RPS6KA3: variants seen among roughly 807,000 people sequenced by gnomAD.
RPS6KA3 encodes the protein ribosomal protein S6 kinase A3, also known as ribosomal protein S6 kinase alpha-3.
A neutral mutation model predicts 67.2 loss-of-function variants in RPS6KA3; 4 were observed. The ratio of observed to expected loss-of-function variants is 0.06; its 90% CI spans 0.03 to 0.14. The LOEUF (loss-of-function observed/expected upper bound fraction) is 0.14. RPS6KA3 is among the 10% of genes least tolerant of loss of function. RPS6KA3 has a pLI of 1.00. For synonymous variants in RPS6KA3, 182 were observed against 183.7 expected (o/e 0.99, Z 0.07); for missense variants, 204 against 559.0 (o/e 0.36, Z 6.40).
chrX:20,164,426 AC>A (rs1331786457), intron 18 of RPS6KA3, among the ~76,000 whole-genome samples: 1 of 95,004 alleles, frequency 1.1e-5, no homozygotes, highest in African/African-American at 4.0e-5. Context: ...TTGCTTTGTG[AC>A]CCAGGCTGGA....
rs112098110 is a variant in RPS6KA3, at chrX:20,199,345, TTCTG to T, written c.326-4204_326-4201del. Among the ~76,000 whole-genome samples, 295 of 111,963 alleles carry T rather than the reference TTCTG, an allele frequency of 2.6e-3. 2 individuals are homozygous for T. The highest frequency in any genetic ancestry group is 9.1e-3 in the African/African-American group (280 of 30,881). ...AGGGTACAGGGGGTTCACTATATTC[TTCTG>T]TCTCTTTCTTAAATGTTTGACACTT... On this transcript the variant is annotated intron_variant, in intron 4 of 21. Coordinates refer to ENST00000379565, the MANE Select transcript of RPS6KA3 (RefSeq NM_004586.3).
intron 2 of RPS6KA3, among the ~76,000 whole-genome samples, chrX:20,213,571 A>T (rs2068771353): frequency 9.0e-6 from 1 of 111,462 alleles, no homozygotes; most frequent in Admixed American, 9.5e-5. Context: ...ATGTAATTTT[A>T]TTAATATTAA....
chrX:20,234,223 C>A (rs1385648472), intron 2 of RPS6KA3, among the ~76,000 whole-genome samples: 3 of 112,674 alleles, frequency 2.7e-5, no homozygotes, highest in African/African-American at 9.7e-5. Flanking sequence ...TCACAGCACT[C>A]TGGGAGGCTG....
intron 1 of RPS6KA3, among the ~76,000 whole-genome samples, chrX:20,256,373 G>T (rs1279638854): frequency 9.1e-6 from 1 of 110,082 alleles, no homozygotes; most frequent in Non-Finnish European, 1.9e-5. Flanking sequence ...ACATCAAGTA[G>T]ATTTTTCTGA....
At chrX:20,204,516 T>C (rs2068525869) in intron 3 of RPS6KA3, among the ~76,000 whole-genome samples, 1 of 112,366 alleles carries the variant, frequency 8.9e-6, no homozygotes, top group African/African-American at 3.2e-5. Flanking sequence ...TTGACCACAA[T>C]TTCCTGTTGA....
At position 20,193,385 on chromosome X, in the gene RPS6KA3, G is replaced by A. The variant is rs1000813359; in HGVS notation, c.593+102C>T. On this transcript the variant is annotated intron_variant, in intron 7 of 21. Coordinates refer to ENST00000379565, the MANE Select transcript of RPS6KA3 (RefSeq NM_004586.3). ...TAGCAGAGATGTGAAGCACAGGCAC[G>A]CTAGTGCAATACTGTGGGAGTTTCA... The A allele has an allele frequency of 9.5e-5, 48 of 507,838 alleles. No individual in the cohort carries two copies. In the South Asian group the frequency reaches 1.2e-3, roughly 13 times the overall value. 41.9% of individuals were successfully genotyped at this position (507,838 alleles called of 1,213,427 possible). A position where few individuals can be genotyped will look rare whatever the true frequency, so the allele number is the denominator to read the frequency against.
intron 10 of RPS6KA3, among the ~76,000 whole-genome samples, chrX:20,184,372 T>G (rs2067920479): frequency 9.1e-6 from 1 of 109,873 alleles, no homozygotes; most frequent in Non-Finnish European, 1.9e-5. Flanking sequence ...AACTTAAAAT[T>G]ACGTATGTGG....
intron 1 of RPS6KA3, among the ~76,000 whole-genome samples, chrX:20,251,193 G>A (rs2049704007): frequency 2.7e-5 from 3 of 112,322 alleles, no homozygotes; most frequent in Non-Finnish European, 5.6e-5. Flanking sequence ...GTGCAGTGGT[G>A]TGAAGATGGC....
At chrX:20,187,390 G>C (rs1168563759) in intron 9 of RPS6KA3, among the ~76,000 whole-genome samples, 1 of 109,354 alleles carries the variant, frequency 9.1e-6, no homozygotes, top group African/African-American at 3.3e-5. Context: ...TTTTAGTGGA[G>C]ATGGGGTTTT....
At chrX:20,174,083 T>G (rs2067637595) in intron 14 of RPS6KA3, among the ~76,000 whole-genome samples, 1 of 111,739 alleles carries the variant, frequency 8.9e-6, no homozygotes. Context: ...TGTCTGTGGT[T>G]GTTTTGTGCT....
intron 2 of RPS6KA3, 61 bp downstream of exon 2, chrX:20,234,694 AAAT>A (rs1272401671): frequency 5.8e-5 from 47 of 813,087 alleles, no homozygotes; most frequent in Non-Finnish European, 8.0e-5. Flanking sequence ...CTCAGCTGAA[AAAT>A]AATAATAACT....
chrX:20,163,518 G>A (rs2067357217), intron 18 of RPS6KA3, among the ~76,000 whole-genome samples: 1 of 110,833 alleles, frequency 9.0e-6, no homozygotes, highest in Admixed American at 9.6e-5. Context: ...AATAGTTAAC[G>A]ACTCAACCTG....
At chrX:20,239,377 A>G (rs2069494665) in intron 1 of RPS6KA3, among the ~76,000 whole-genome samples, 1 of 112,041 alleles carries the variant, frequency 8.9e-6, no homozygotes, top group Non-Finnish European at 1.9e-5. Context: ...TCCATCATTC[A>G]CTACAGTCAA....
chrX:20,194,203 G>A lies in RPS6KA3; in HGVS notation c.472C>T (p.Arg158Cys), dbSNP rs2148701766. 1 of 1,164,749 alleles carries A rather than the reference G, an allele frequency of 8.6e-7. No homozygotes were observed. The highest frequency in any genetic ancestry group is 1.2e-6 in the Non-Finnish European group (1 of 853,295). Residue 158 changes from arginine (R) to cysteine (C), a missense_variant, in exon 6 of 22, where the codon CGC (arginine) becomes TGC (cysteine). Arg to Cys is a radical substitution (Grantham distance 180). Coordinates refer to ENST00000379565, the MANE Select transcript of RPS6KA3 (RefSeq NM_004586.3). ...TAATTATATACCTCTTTGGATAAGCGTGTAAACAAATCTCCTCCCCTGAGA... is the reference window on the plus strand; with the variant it reads ...TAATTATATACCTCTTTGGATAAGCATGTAAACAAATCTCCTCCCCTGAGA... ...DFLRGGDLFT[R>C]LSKEVMFTEE...
intron 2 of RPS6KA3, among the ~76,000 whole-genome samples, chrX:20,225,269 T>A (rs1046272718): frequency 1.0e-5 from 1 of 95,671 alleles, no homozygotes; most frequent in Non-Finnish European, 2.1e-5. Context: ...TTTTTTTTTT[T>A]AAGCTCTTAG....
intron 3 of RPS6KA3, among the ~76,000 whole-genome samples, chrX:20,207,281 C>G (rs2068595715): frequency 9.0e-6 from 1 of 111,370 alleles, no homozygotes; most frequent in Non-Finnish European, 1.9e-5. Flanking sequence ...GAGGTAGGGA[C>G]TAGAAATATA....
At position 20,266,750 on chromosome X, in the gene RPS6KA3, A is replaced by AGCGGCGGCG. The variant is rs1232623077; in HGVS notation, c.-119_-118insCGCCGCCGC. ...CGGCGGCGGCGGCGGCGGCGGCGGC[A>AGCGGCGGCG]GCGGCAGCGGCAGCGGCAGCAGCAG... On this transcript the variant is annotated 5_prime_UTR_variant, in exon 1 of 22. Coordinates refer to ENST00000379565, the MANE Select transcript of RPS6KA3 (RefSeq NM_004586.3). 1.0e-4 allele frequency: 2 copies of AGCGGCGGCG among 19,425 alleles called. No individual in the cohort carries two copies. Among genetic ancestry groups the AGCGGCGGCG allele is most frequent in the African/African-American group, 1.6e-3 (1 of 643 alleles). The allele number at this position is 19,425 out of a possible 1,213,427, so 1.6% of individuals were successfully genotyped here. A position where few individuals can be genotyped will look rare whatever the true frequency, so the allele number is the denominator to read the frequency against.
At chrX:20,247,003 T>G (rs1208772126) in intron 1 of RPS6KA3, among the ~76,000 whole-genome samples, 6 of 112,217 alleles carry the variant, frequency 5.3e-5, no homozygotes, top group African/African-American at 1.9e-4. Context: ...AAACTCACCC[T>G]AGGTTTAAAC....
intron 18 of RPS6KA3, among the ~76,000 whole-genome samples, chrX:20,164,322 G>GTGTCTAGAACTTCAGGTAGGGAATA (rs2067379834): frequency 9.1e-6 from 1 of 109,865 alleles, no homozygotes; most frequent in South Asian, 3.9e-4. Flanking sequence ...GAAGTCCAGT[G>GTGTCTAGAACTTCAGGTAGGGAATA]TGTCTAGAAC....
Sources: allele counts gnomAD v4.1 joint callset (sites outside exome capture counted in the v4.1 genomes callset), GRCh38; gene constraint gnomAD v4.1.1; transcripts MANE v1.5; gene names NCBI Gene and HGNC (gene_info 2026-07-23, HGNC 2026-07-21).